STAU1: variants seen among roughly 807,000 people sequenced by gnomAD.
The protein encoded by STAU1 is staufen double-stranded RNA binding protein 1.
STAU1 carries 13 observed loss-of-function variants against 62.9 expected under a neutral mutation model. That is an observed-to-expected ratio of 0.21 (90% CI 0.13 to 0.33). The LOEUF is 0.33. Ranked by LOEUF, STAU1 falls within the 10% of genes least tolerant of loss-of-function variation. The probability of loss-of-function intolerance (pLI) is 1.00; values close to 1 mark genes in which losing one functional copy is unlikely to be tolerated. For missense variants in STAU1, 571 were observed against 712.1 expected (o/e 0.80, Z 2.25); for synonymous variants, 269 against 265.1 (o/e 1.01, Z -0.14).
intron 5 of STAU1, among the ~76,000 whole-genome samples, chr20:49,141,852 G>A (rs2093014027): frequency 6.6e-6 from 1 of 152,162 alleles, no homozygotes; most frequent in Non-Finnish European, 1.5e-5. Flanking sequence ...ATCTTTCCCA[G>A]CCGTGTTTTT....
intron 2 of STAU1, among the ~76,000 whole-genome samples, 171 bp from the exon 3 acceptor site, chr20:49,166,456 C>G (rs948567375): frequency 6.6e-6 from 1 of 152,178 alleles, no homozygotes; most frequent in African/African-American, 2.4e-5. Flanking sequence ...CAGTAAGTTT[C>G]TTGGCCTTGT....
At chr20:49,215,631 C>A in the STAU1 span, among the ~76,000 whole-genome samples, 1 of 152,078 alleles carries the variant, frequency 6.6e-6, no homozygotes, top group Admixed American at 6.6e-5. Flanking sequence ...CAGTTGGTGC[C>A]ACTACTCAAT....
rs59565918 is a variant in STAU1, at chr20:49,153,731, A to G, written c.344+202T>C. Among the ~76,000 whole-genome samples, 240 of 109,242 alleles carry G rather than the reference A, an allele frequency of 2.2e-3. 1 individual carries two copies. Among genetic ancestry groups the G allele is most frequent in the African/African-American group, 7.2e-3 (221 of 30,800 alleles). The allele number at this position is 109,242 out of a possible 152,430, so 71.7% of individuals were successfully genotyped here. On this transcript the variant is annotated intron_variant, in intron 4 of 13. Transcript: ENST00000371856. Reference sequence around the variant, plus strand: ...GTCTCAAAAAAAAAAAAAAAAAAAAAAAAAAAAAAAAGAAAGAAAGAAAAA... The same window carrying G: ...GTCTCAAAAAAAAAAAAAAAAAAAAGAAAAAAAAAAAGAAAGAAAGAAAAA...
chr20:49,200,853 A>G, the STAU1 span, among the ~76,000 whole-genome samples: 29 of 150,802 alleles, frequency 1.9e-4, no homozygotes, highest in Non-Finnish European at 3.8e-4. Flanking sequence ...TGGGCAATAT[A>G]GTGAGATGCC....
intron 5 of STAU1, among the ~76,000 whole-genome samples, chr20:49,140,648 G>A (rs996915889): frequency 2.6e-5 from 4 of 152,166 alleles, no homozygotes; most frequent in Non-Finnish European, 5.9e-5. Context: ...ACGAGCAAGG[G>A]AGTGGGGAGT....
At chr20:49,208,537 A>G in the STAU1 span, among the ~76,000 whole-genome samples, 2 of 151,594 alleles carry the variant, frequency 1.3e-5, no homozygotes. Context: ...TCACTAAGAA[A>G]GCAATGGCTT....
intron 4 of STAU1, among the ~76,000 whole-genome samples, chr20:49,153,160 G>C (rs996989168): frequency 6.7e-6 from 1 of 148,502 alleles, no homozygotes; most frequent in African/African-American, 2.5e-5. Flanking sequence ...TGAGGCAGGA[G>C]AATAGCATGA....
chr20:49,208,006 G>A, the STAU1 span, among the ~76,000 whole-genome samples: 9 of 151,906 alleles, frequency 5.9e-5, no homozygotes, highest in Admixed American at 3.3e-4. Context: ...TCAGCCTCCC[G>A]AGTAGCTGCG....
At chr20:49,143,540 C>T (rs1309451091) in intron 5 of STAU1, among the ~76,000 whole-genome samples, 1 of 152,164 alleles carries the variant, frequency 6.6e-6, no homozygotes, top group Non-Finnish European at 1.5e-5. Flanking sequence ...CTGTAGTAAG[C>T]CACAATCGTG....
chr20:49,133,728 A>C (rs960105590), intron 6 of STAU1, among the ~76,000 whole-genome samples: 2 of 152,150 alleles, frequency 1.3e-5, no homozygotes, highest in African/African-American at 4.8e-5. Context: ...AACAGTGTAA[A>C]CCTGCTCTTA....
In STAU1 at chr20:49,136,048, C is replaced by CTCAGG. The variant is rs2092875415; in HGVS notation, c.511-118_511-117insCCTGA. ...GCTAAGGCAGGAGGATAGCTTGAGCCCAGGAGTCTGAGACCAGCCTGAGCA... is the reference window on the plus strand; with the variant it reads ...GCTAAGGCAGGAGGATAGCTTGAGCCTCAGGCAGGAGTCTGAGACCAGCCTGAGCA... On this transcript the variant is annotated intron_variant, in intron 5 of 13. Transcript: ENST00000371856. 3 of 747,394 alleles carry CTCAGG rather than the reference C, an allele frequency of 4.0e-6. No homozygotes were observed. The South Asian group carries it at 5.6e-5, about 14-fold the overall frequency. The allele number at this position is 747,394 out of a possible 1,614,324, so 46.3% of individuals were successfully genotyped here.
chr20:49,162,994 C>A (rs921030646), intron 3 of STAU1, among the ~76,000 whole-genome samples: 3 of 151,858 alleles, frequency 2.0e-5, no homozygotes, highest in African/African-American at 4.8e-5. Flanking sequence ...GAGATTGAAA[C>A]CATCCTGGCC....
In STAU1 at chr20:49,118,424, G is replaced by GAA. The variant is rs747848912; in HGVS notation, c.1114-18_1114-17dup. On this transcript the variant is annotated splice_polypyrimidine_tract_variant and intron_variant, in intron 9 of 13. Coordinates refer to ENST00000371856, the MANE Select transcript of STAU1 (RefSeq NM_017453.4). Reference sequence around the variant, plus strand: ...TTATGGGTGTCTTAAAAAAGAAGAAGAAAAAAAAAAGGCCATGAGCATAAA... The same window carrying GAA: ...TTATGGGTGTCTTAAAAAAGAAGAAGAAAAAAAAAAAAGGCCATGAGCATAAA... 7.2e-6 allele frequency: 10 copies of GAA among 1,395,478 alleles called. No individual in the cohort carries two copies. The highest frequency in any genetic ancestry group is 3.0e-5 in the African/African-American group (2 of 66,510). 86.4% of individuals were successfully genotyped at this position (1,395,478 alleles called of 1,614,324 possible).
intron 6 of STAU1, 61 bp downstream of exon 6, chr20:49,135,772 T>G: frequency 7.8e-7 from 1 of 1,276,256 alleles, no homozygotes; most frequent in Non-Finnish European, 1.1e-6. Context: ...AAAAAATAAC[T>G]CTTATGATGA....
chr20:49,134,295 G>A (rs2092819751), intron 6 of STAU1, among the ~76,000 whole-genome samples: 1 of 152,054 alleles, frequency 6.6e-6, no homozygotes, highest in African/African-American at 2.4e-5. Context: ...GCTCGGCATG[G>A]TGGCGTATGC....
chr20:49,170,984 T>A lies in STAU1; in HGVS notation c.-85+3211A>T, dbSNP rs17450727. Among the ~76,000 whole-genome samples, 681 of 152,296 alleles carry A rather than the reference T, an allele frequency of 4.5e-3. 1 individual carries two copies. The highest frequency in any genetic ancestry group is 7.6e-3 in the Non-Finnish European group (514 of 68,036). ...AATAGCAATTCTAAAATATATTCAC[T>A]CAATAGTCTACAAAAACTTATTAAG... On this transcript the variant is annotated intron_variant, in intron 2 of 13. Transcript: ENST00000371856.
intron 3 of STAU1, among the ~76,000 whole-genome samples, chr20:49,163,503 G>A (rs536708348): frequency 1.5e-5 from 2 of 135,684 alleles, no homozygotes; most frequent in African/African-American, 5.6e-5. Context: ...TTGGCTTGCT[G>A]CAGCCTCTGC....
intron 10 of STAU1, 104 bp from the exon 11 acceptor site, chr20:49,118,200 A>G: frequency 7.3e-7 from 1 of 1,371,544 alleles, no homozygotes; most frequent in Non-Finnish European, 1.0e-6. Flanking sequence ...CACGCATGGC[A>G]GCGCAGGGAA....
At chr20:49,210,608 A>T in the STAU1 span, 16 of 427,456 alleles carry the variant, frequency 3.7e-5, no homozygotes, top group Middle Eastern at 3.4e-4. Context: ...TAGCAGAAAA[A>T]GGACTTGGCA....
Sources: gnomAD v4.1 joint callset for allele counts (sites outside exome capture counted in the v4.1 genomes callset) on GRCh38, gnomAD v4.1.1 for gene constraint, MANE v1.5 for transcripts, NCBI Gene and HGNC (gene_info 2026-07-23, HGNC 2026-07-21) for gene names.